The following GAD2 variants were observed in gnomAD, a reference collection of about 807,000 sequenced individuals.
The protein encoded by GAD2 is 65 kDa glutamic acid decarboxylase.
In GAD2, 22 loss-of-function variants were observed where a neutral mutation model predicts 80.1. The ratio of observed to expected loss-of-function variants is 0.27; its 90% CI spans 0.20 to 0.39. GAD2 has a LOEUF of 0.39. Among genes scored for constraint, GAD2 ranks in the 10% least tolerant of loss-of-function variants. The probability of loss-of-function intolerance (pLI) is 1.00; values close to 1 mark genes in which losing one functional copy is unlikely to be tolerated. For missense variants in GAD2, 624 were observed against 738.4 expected, an observed-to-expected ratio of 0.85 and a Z score of 1.80; for synonymous variants, 274 against 256.9, an observed-to-expected ratio of 1.07 and a Z score of -0.64.
Position 26,216,876 on chromosome 10 carries a change from C to A in GAD2, c.67C>A (p.Pro23Thr). 1 of 1,611,068 alleles carries A rather than the reference C, an allele frequency of 6.2e-7. No individual in the cohort carries two copies. The highest frequency in any genetic ancestry group is 1.7e-4 in the Middle Eastern group (1 of 6,046). The part of the protein sequence containing the change: ...SEDGSGDSEN[P>T]GTARAWCQVA... ...AGATGGCTCTGGGGATTCCGAGAAT[C>A]CCGGCACAGGTAGGAAGGAGAACGG... The change falls in exon 1 of 16, where the codon CCC becomes ACC. Residue 23 changes from proline (P) to threonine (T), a missense_variant. By Grantham distance (38) the Pro-to-Thr change is conservative (BLOSUM62 -1). Transcript: ENST00000376261. This position sits in a 1 kb window ranked among gnomAD's most constrained non-coding sequence, Gnocchi z 4.7.
At chr10:26,293,085 C>A in intron 15 of GAD2, 94 bp downstream of exon 15, 3 of 995,652 alleles carry the variant, frequency 3.0e-6, no homozygotes, top group South Asian at 1.4e-5. Flanking sequence ...TAGGAGACAG[C>A]CTACCTGGGT....
At chr10:26,279,321 G>C (rs1845247010) in intron 11 of GAD2, among the ~76,000 whole-genome samples, 1 of 152,172 alleles carries the variant, frequency 6.6e-6, no homozygotes, top group South Asian at 2.1e-4. Flanking sequence ...AAGGGAGATG[G>C]TGTTCCAGGA....
chr10:26,273,956 A>G (rs1449755355), intron 11 of GAD2, among the ~76,000 whole-genome samples: 2 of 152,344 alleles, frequency 1.3e-5, no homozygotes, highest in South Asian at 2.1e-4. Flanking sequence ...TCTTTCAGAC[A>G]TAGAGATTCC....
At chr10:26,298,505 G>A (rs1834298273) in intron 15 of GAD2, among the ~76,000 whole-genome samples, 1 of 152,174 alleles carries the variant, frequency 6.6e-6, no homozygotes. Context: ...CTGTTTGCTT[G>A]TGGCTGTTAG....
chr10:26,218,572 C>CAA (rs1156300912), intron 3 of GAD2, among the ~76,000 whole-genome samples: 1 of 151,640 alleles, frequency 6.6e-6, no homozygotes, highest in Non-Finnish European at 1.5e-5. Flanking sequence ...CACACACACA[C>CAA]ACACACACAC....
rs934318922 is a variant in GAD2 at position 26,276,459 on chromosome 10, G to A, written c.1157+2759G>A. On this transcript the variant is annotated intron_variant, in intron 11 of 15. Coordinates refer to ENST00000376261, the MANE Select transcript of GAD2 (RefSeq NM_001134366.2). ...TGTGGCAGCGCAATCTTGCCTCACT[G>A]CAACCTCTGCCTCCCGGGTTCAAGC... Among the ~76,000 whole-genome samples the A allele has an allele frequency of 2.7e-5, 4 of 149,974 alleles. No homozygotes were observed. The East Asian group carries it at 7.8e-4, about 29-fold the overall frequency.
intron 8 of GAD2, among the ~76,000 whole-genome samples, chr10:26,259,425 G>T (rs1844983338): frequency 6.6e-6 from 1 of 152,090 alleles, no homozygotes. Context: ...TGGGTATGCA[G>T]TGGTATTTCA....
chr10:26,237,199 C>T (rs1419430764), intron 7 of GAD2, among the ~76,000 whole-genome samples: 2 of 152,210 alleles, frequency 1.3e-5, no homozygotes, highest in African/African-American at 4.8e-5. Flanking sequence ...GAAGGGGCTC[C>T]TGAGATCCCA....
chr10:26,253,448 A>G (rs948072322), intron 8 of GAD2, among the ~76,000 whole-genome samples: 16 of 152,370 alleles, frequency 1.1e-4, no homozygotes, highest in Middle Eastern at 3.4e-3. Flanking sequence ...AAAGTGCATT[A>G]ATATAGAGAG....
chr10:26,249,970 C>T (rs1207880776), intron 8 of GAD2, among the ~76,000 whole-genome samples: 1 of 151,412 alleles, frequency 6.6e-6, no homozygotes, highest in African/African-American at 2.4e-5. Context: ...GCGGGACCTA[C>T]GATCAGTGAC....
chr10:26,277,942 G>A (rs965388734), intron 11 of GAD2, among the ~76,000 whole-genome samples: 3 of 151,870 alleles, frequency 2.0e-5, no homozygotes, highest in Admixed American at 2.0e-4. Flanking sequence ...TGCAGAAGCC[G>A]CATGACCGAA....
chr10:26,218,557 A>T (rs78043803), intron 3 of GAD2, among the ~76,000 whole-genome samples: 13,216 of 120,196 alleles, frequency 0.11, 715 homozygotes, highest in East Asian at 0.22. Context: ...TCTCTCACAC[A>T]CACACACACA....
intron 8 of GAD2, among the ~76,000 whole-genome samples, chr10:26,257,868 A>G (rs779422863): frequency 6.6e-6 from 1 of 152,192 alleles, no homozygotes; most frequent in Non-Finnish European, 1.5e-5. Context: ...GTCGTTAGGG[A>G]TGCTAATTAA....
chr10:26,268,046 A>G (rs374045546), intron 8 of GAD2, among the ~76,000 whole-genome samples: 5 of 152,254 alleles, frequency 3.3e-5, no homozygotes, highest in East Asian at 1.9e-4. Flanking sequence ...GCATCCCACA[A>G]CCACTGATTG....
intron 13 of GAD2, among the ~76,000 whole-genome samples, chr10:26,288,012 T>A (rs778503737): frequency 3.9e-5 from 6 of 152,214 alleles, no homozygotes; most frequent in Non-Finnish European, 8.8e-5. Context: ...AGGAACCATG[T>A]CCACGGCAAT....
At chr10:26,238,890 A>G (rs1341833461) in intron 7 of GAD2, among the ~76,000 whole-genome samples, 2 of 151,958 alleles carry the variant, frequency 1.3e-5, no homozygotes, top group Non-Finnish European at 2.9e-5. Flanking sequence ...GGTGTACTGT[A>G]TAGGAGCAAG....
chr10:26,266,574 G>A (rs1045092939), intron 8 of GAD2, among the ~76,000 whole-genome samples: 1 of 152,160 alleles, frequency 6.6e-6, no homozygotes, highest in Non-Finnish European at 1.5e-5. Context: ...TGGGTCCTAA[G>A]TAGAGAAAAC....
intron 4 of GAD2, among the ~76,000 whole-genome samples, chr10:26,220,418 CT>C (rs1226400342): frequency 2.6e-5 from 4 of 152,200 alleles, no homozygotes; most frequent in South Asian, 2.1e-4. Context: ...AAGTTTAGTT[CT>C]TTTTTTCTTT....
chr10:26,272,190 G>A (rs759796552), intron 10 of GAD2, among the ~76,000 whole-genome samples: 4 of 152,142 alleles, frequency 2.6e-5, no homozygotes, highest in Non-Finnish European at 4.4e-5. Flanking sequence ...AGTGTGAGTC[G>A]TTCATTAGGC....
Sources: gnomAD v4.1 joint callset for allele counts (sites outside exome capture counted in the v4.1 genomes callset) on GRCh38, gnomAD v4.1.1 for gene constraint, Gnocchi (gnomAD v3.1) non-coding constraint, MANE v1.5 for transcripts, NCBI Gene and HGNC (gene_info 2026-07-23, HGNC 2026-07-21) for gene names.